The following GREB1 variants were observed in gnomAD, a reference collection of about 807,000 sequenced individuals.
The protein encoded by GREB1 is protein GREB1.
A neutral mutation model predicts 200.7 loss-of-function variants in GREB1; 106 were observed. The observed-to-expected ratio is 0.53, with a 90% CI of 0.45 to 0.62. The LOEUF (loss-of-function observed/expected upper bound fraction) is 0.62. Among genes scored for constraint, GREB1 ranks in the 20% least tolerant of loss-of-function variants. The probability of loss-of-function intolerance (pLI) is 0.00; values close to 1 mark genes in which losing one functional copy is unlikely to be tolerated. For synonymous variants in GREB1, 1,132 were observed against 1,092.4 expected, an observed-to-expected ratio of 1.04 and a Z score of -0.72; for missense variants, 2,243 against 2,556.8, an observed-to-expected ratio of 0.88 and a Z score of 2.65.
In GREB1 at chr2:11,640,438, C is replaced by G; in HGVS notation, c.5834C>G (p.Thr1945Arg). The change falls in exon 33 of 33, where the codon ACG becomes AGG. Residue 1945 changes from threonine (T) to arginine (R), a missense_variant. Thr to Arg is a moderately conservative substitution (Grantham distance 71). Coordinates refer to ENST00000381486, the MANE Select transcript of GREB1 (RefSeq NM_014668.4). The surrounding 1 kb of genome is among the most constrained non-coding windows in gnomAD (Gnocchi z 4.6). ...GAAGACCGGCCGCTCTTTTTTCTGA[C>G]GGGACGACACATCTGAGGAAGACAG... ...AREDRPLFFLTGRHI is the reference protein window; with the variant it reads ...AREDRPLFFLRGRHI The G allele has an allele frequency of 6.2e-7, 1 of 1,613,740 alleles. No individual in the cohort carries two copies. Among genetic ancestry groups the G allele is most frequent in the Non-Finnish European group, 8.5e-7 (1 of 1,179,820 alleles).
intron 4 of GREB1, among the ~76,000 whole-genome samples, chr2:11,572,782 G>A (rs1659319193): frequency 6.6e-6 from 1 of 151,810 alleles, no homozygotes; most frequent in African/African-American, 2.4e-5. Context: ...GCTCCTACAA[G>A]GTGGGTTTTT....
chr2:11,590,199 TG>T (rs1265464514), intron 10 of GREB1, among the ~76,000 whole-genome samples: 1 of 152,068 alleles, frequency 6.6e-6, no homozygotes, highest in African/African-American at 2.4e-5. Flanking sequence ...AGTCCCCACC[TG>T]TCCATCAGTA....
At chr2:11,602,642 T>C (rs1294345349) in intron 17 of GREB1, 100 bp downstream of exon 17, 8 of 995,546 alleles carry the variant, frequency 8.0e-6, no homozygotes, top group East Asian at 2.4e-5. Context: ...GGGAGGCCTT[T>C]CCTTCCTGAG....
intron 1 of GREB1, among the ~76,000 whole-genome samples, chr2:11,483,961 A>C (rs1470860869): frequency 6.6e-6 from 1 of 152,156 alleles, no homozygotes; most frequent in African/African-American, 2.4e-5. Context: ...TAAAACAATA[A>C]ATGTGTAAAT....
intron 10 of GREB1, among the ~76,000 whole-genome samples, chr2:11,589,533 C>T (rs765238441): frequency 7.2e-5 from 11 of 152,106 alleles, no homozygotes; most frequent in Admixed American, 2.0e-4. Flanking sequence ...CAGAGGGGGC[C>T]GGCTCCGGTC....
chr2:11,597,641 C>T lies in GREB1; in HGVS notation c.1955-140C>T, dbSNP rs960266815. 23 of 714,030 alleles carry T rather than the reference C, an allele frequency of 3.2e-5. No individual in the cohort carries two copies. Among genetic ancestry groups the T allele is most frequent in the Middle Eastern group, 3.9e-4 (1 of 2,572 alleles). 44.2% of individuals were successfully genotyped at this position (714,030 alleles called of 1,614,324 possible). The stretch of plus-strand genomic sequence containing the variant: ...TAGCTGAGAGCAGGGACTTGATAAA[C>T]GTGAGTTATTCCCCTTTCCCTCATC... On this transcript the variant is annotated intron_variant, in intron 13 of 32. Coordinates refer to ENST00000381486, the MANE Select transcript of GREB1 (RefSeq NM_014668.4). This position sits in a 1 kb window ranked among gnomAD's most constrained non-coding sequence, Gnocchi z 4.1.
intron 17 of GREB1, 26 bp downstream of exon 17, chr2:11,602,568 A>G (rs1681878004): frequency 1.9e-6 from 3 of 1,606,742 alleles, no homozygotes; most frequent in South Asian, 1.1e-5. Context: ...CTAAGTTACT[A>G]GAAGTGCTCA....
At chr2:11,517,738 G>A (rs1277068777) in intron 1 of GREB1, among the ~76,000 whole-genome samples, 4 of 152,006 alleles carry the variant, frequency 2.6e-5, no homozygotes, top group Non-Finnish European at 2.9e-5. Flanking sequence ...TGCAAGCTCC[G>A]CCTCCCGGGT....
chr2:11,515,971 G>A (rs752513372), intron 1 of GREB1, among the ~76,000 whole-genome samples: 1 of 152,192 alleles, frequency 6.6e-6, no homozygotes, highest in South Asian at 2.1e-4. Context: ...CACAACCAGA[G>A]AAAAGCTCAT....
intron 11 of GREB1, among the ~76,000 whole-genome samples, chr2:11,594,089 G>A (rs958224462): frequency 4.6e-5 from 7 of 151,882 alleles, no homozygotes; most frequent in African/African-American, 1.7e-4. Context: ...TTGCAGTATC[G>A]AGCTCCCGGG....
intron 4 of GREB1, among the ~76,000 whole-genome samples, chr2:11,569,457 CGGAG>C (rs1678039459): frequency 6.6e-6 from 1 of 152,056 alleles, no homozygotes; most frequent in Non-Finnish European, 1.5e-5. Context: ...CTCCGGCAAT[CGGAG>C]GAGCACACCG....
At chr2:11,558,199 G>A (rs1402439855) in intron 2 of GREB1, among the ~76,000 whole-genome samples, 2 of 152,210 alleles carry the variant, frequency 1.3e-5, no homozygotes, top group East Asian at 3.9e-4. Flanking sequence ...CAAGCTCTGA[G>A]ATAAAAAGGG....
At chr2:11,495,551 C>G (rs1244839258) in intron 1 of GREB1, among the ~76,000 whole-genome samples, 1 of 151,988 alleles carries the variant, frequency 6.6e-6, no homozygotes, top group African/African-American at 2.4e-5. Flanking sequence ...ATGCACTGTT[C>G]CAAGCACTTC....
chr2:11,607,428 ATGTGTG>A (rs201217755), intron 17 of GREB1, among the ~76,000 whole-genome samples: 4,511 of 104,820 alleles, frequency 0.043, 190 homozygotes, highest in African/African-American at 0.12. Context: ...CAGTATATGT[ATGTGTG>A]TGTGTGTGTG....
At chr2:11,504,697 T>TA (rs1673134355) in intron 1 of GREB1, among the ~76,000 whole-genome samples, 1 of 152,272 alleles carries the variant, frequency 6.6e-6, no homozygotes, top group African/African-American at 2.4e-5. Flanking sequence ...TTATTCCTTT[T>TA]ACTGGCTGAA....
intron 8 of GREB1, 90 bp from the exon 9 acceptor site, chr2:11,585,672 G>A: frequency 1.4e-6 from 2 of 1,441,012 alleles, no homozygotes; most frequent in Non-Finnish European, 1.9e-6. Flanking sequence ...TGGTCAGAGG[G>A]TAGCAGATTT....
At chr2:11,549,334 G>A (rs1212175073) in intron 1 of GREB1, among the ~76,000 whole-genome samples, 1 of 151,976 alleles carries the variant, frequency 6.6e-6, no homozygotes, top group Non-Finnish European at 1.5e-5. Flanking sequence ...GTGGGTATTC[G>A]GTGTCTGATA....
chr2:11,510,605 G>A (rs879303127), intron 1 of GREB1, among the ~76,000 whole-genome samples: 7 of 152,102 alleles, frequency 4.6e-5, no homozygotes, highest in Non-Finnish European at 7.3e-5. Context: ...CAGTTTTCAG[G>A]ATAATGAGTT....
intron 27 of GREB1, among the ~76,000 whole-genome samples, chr2:11,632,504 A>G (rs1684963330): frequency 6.6e-6 from 1 of 151,748 alleles, no homozygotes; most frequent in Non-Finnish European, 1.5e-5. Context: ...ACGCCCGGCT[A>G]ATTTTTGTGT....
Sources: gnomAD v4.1 joint callset for allele counts (sites outside exome capture counted in the v4.1 genomes callset) on GRCh38, gnomAD v4.1.1 for gene constraint, Gnocchi (gnomAD v3.1) non-coding constraint, MANE v1.5 for transcripts, NCBI Gene and HGNC (gene_info 2026-07-23, HGNC 2026-07-21) for gene names.